The following GRM7 variants were observed in gnomAD, a reference collection of about 807,000 sequenced individuals.
GRM7 encodes metabotropic glutamate receptor 7.
In GRM7, 35 loss-of-function variants were observed where a neutral mutation model predicts 84.5. The ratio of observed to expected loss-of-function variants is 0.41; its 90% confidence interval spans 0.32 to 0.55. The LOEUF (loss-of-function observed/expected upper bound fraction) is 0.55, where lower values mean the gene tolerates loss of function less well. Ranked by LOEUF, GRM7 falls within the 20% of genes least tolerant of loss-of-function variation. The pLI, the probability that GRM7 is intolerant of heterozygous loss-of-function variation, is 0.19. For missense variants in GRM7, 1,003 were observed against 1,194.6 expected, an observed-to-expected ratio of 0.84 and a Z score of 2.36; for synonymous variants, 487 against 455.1, an observed-to-expected ratio of 1.07 and a Z score of -0.89.
At chr3:7,016,458 A>T (rs1266445287) in intron 1 of GRM7, among the ~76,000 whole-genome samples, 1 of 152,158 alleles carries the variant, frequency 6.6e-6, no homozygotes, top group Non-Finnish European at 1.5e-5. Flanking sequence ...AGGAGGGGTG[A>T]GGAAGTCATC....
chr3:7,693,367 C>G (rs1158178008), intron 9 of GRM7, among the ~76,000 whole-genome samples: 1 of 151,750 alleles, frequency 6.6e-6, no homozygotes, highest in Non-Finnish European at 1.5e-5. Context: ...GCTAATTCCC[C>G]CCACCCCCTC....
chr3:6,953,751 T>C (rs934783122), intron 1 of GRM7, among the ~76,000 whole-genome samples: 8 of 152,200 alleles, frequency 5.3e-5, no homozygotes, highest in African/African-American at 2.4e-5. Context: ...ATTTGTGAAG[T>C]AGACCTGCTT....
intron 7 of GRM7, among the ~76,000 whole-genome samples, chr3:7,492,150 G>C (rs1169651567): frequency 1.3e-5 from 2 of 152,104 alleles, no homozygotes; most frequent in African/African-American, 4.8e-5. Flanking sequence ...ACTAATAAGA[G>C]ATATTGGTCT....
intron 7 of GRM7, among the ~76,000 whole-genome samples, chr3:7,566,103 G>GTTTTTTTT (rs58178956): frequency 1.5e-5 from 2 of 129,986 alleles, no homozygotes; most frequent in Non-Finnish European, 1.6e-5. Flanking sequence ...TGAATCAGCT[G>GTTTTTTTT]TTTTTTTTTT....
chr3:7,708,359 A>T (rs978921159), intron 9 of GRM7, among the ~76,000 whole-genome samples: 1 of 152,286 alleles, frequency 6.6e-6, no homozygotes, highest in African/African-American at 2.4e-5. Context: ...GCAAAAAAAA[A>T]AAATCACAAA....
intron 9 of GRM7, among the ~76,000 whole-genome samples, chr3:7,704,532 G>A (rs1415605563): frequency 1.3e-5 from 2 of 152,030 alleles, no homozygotes; most frequent in African/African-American, 4.8e-5. Context: ...ATATTAAAAT[G>A]TCTTTTGATA....
chr3:7,251,235 G>C (rs1162644859), intron 2 of GRM7, among the ~76,000 whole-genome samples: 2 of 151,980 alleles, frequency 1.3e-5, no homozygotes, highest in African/African-American at 4.8e-5. Flanking sequence ...GTCCTTAAAA[G>C]TGTGAATAAC....
intron 5 of GRM7, among the ~76,000 whole-genome samples, chr3:7,418,293 C>T (rs2125185651): frequency 6.6e-6 from 1 of 152,268 alleles, no homozygotes; most frequent in South Asian, 2.1e-4. Context: ...ATAGATCAGG[C>T]ATTCGCAGTG....
intron 7 of GRM7, among the ~76,000 whole-genome samples, chr3:7,564,207 A>G (rs771435882): frequency 6.6e-6 from 1 of 152,208 alleles, no homozygotes; most frequent in Non-Finnish European, 1.5e-5. Flanking sequence ...AGATGACTGT[A>G]TTGTCACTAA....
At chr3:7,287,211 A>G (rs893699406) in intron 2 of GRM7, among the ~76,000 whole-genome samples, 2 of 152,162 alleles carry the variant, frequency 1.3e-5, no homozygotes, top group Non-Finnish European at 2.9e-5. Context: ...AAATCTTTCA[A>G]ACTCTCAGGT....
intron 7 of GRM7, among the ~76,000 whole-genome samples, chr3:7,488,723 CGGATG>C (rs1258075380): frequency 2.6e-5 from 4 of 151,924 alleles, no homozygotes; most frequent in African/African-American, 4.8e-5. Flanking sequence ...TACCCAGCCT[CGGATG>C]TTCTGTTATT....
Position 6,863,114 on chromosome 3 carries a change from G to T in GRM7, c.519+1207G>T. 2 of 355,462 alleles carry T rather than the reference G, an allele frequency of 5.6e-6. No individual in the cohort carries two copies. The highest frequency in any genetic ancestry group is 1.1e-5 in the Non-Finnish European group (2 of 180,506). 22.0% of individuals were successfully genotyped at this position (355,462 alleles called of 1,614,324 possible). A position where few individuals can be genotyped will look rare whatever the true frequency, so the allele number is the denominator to read the frequency against. ...TGCATCACTCTCTCTTTCTGTCTCT[G>T]TCTCCTTGCTGTTTTTTTTTTCTCT... On this transcript the variant is annotated intron_variant, in intron 1 of 9. Transcript: ENST00000357716. This position sits in a 1 kb window ranked among gnomAD's most constrained non-coding sequence, Gnocchi z 4.8.
chr3:7,598,198 T>A (rs1364619036), intron 8 of GRM7, among the ~76,000 whole-genome samples: 2 of 152,168 alleles, frequency 1.3e-5, no homozygotes, highest in African/African-American at 4.8e-5. Flanking sequence ...AAGAGATAAA[T>A]CCCCACATCC....
At chr3:7,419,195 A>T (rs1197059234) in intron 5 of GRM7, among the ~76,000 whole-genome samples, 1 of 152,158 alleles carries the variant, frequency 6.6e-6, no homozygotes, top group Non-Finnish European at 1.5e-5. Context: ...ATATAGGGTG[A>T]TATATTGAGT....
chr3:7,139,146 C>A (rs80263814), intron 1 of GRM7, among the ~76,000 whole-genome samples: 26,844 of 147,406 alleles, frequency 0.18, 3,113 homozygotes, highest in Non-Finnish European at 0.25. Flanking sequence ...CTATATGAAC[C>A]TCTTAAAGGA....
At chr3:7,018,503 C>G (rs1695655384) in intron 1 of GRM7, among the ~76,000 whole-genome samples, 2 of 152,246 alleles carry the variant, frequency 1.3e-5, no homozygotes. Flanking sequence ...ATGGCCCTAA[C>G]TGCCCCATAC....
intron 1 of GRM7, among the ~76,000 whole-genome samples, chr3:7,054,850 A>T (rs1465562964): frequency 1.3e-5 from 2 of 151,366 alleles, no homozygotes; most frequent in East Asian, 3.9e-4. Flanking sequence ...TCAAATTCTG[A>T]CTCTTCTTTA....
chr3:7,722,426 T>C (rs78332235), intron 9 of GRM7, among the ~76,000 whole-genome samples: 1 of 148,824 alleles, frequency 6.7e-6, no homozygotes. Flanking sequence ...GTCATACAGC[T>C]GAATGGTGAC....
chr3:7,125,960 C>T (rs759675088), intron 1 of GRM7, among the ~76,000 whole-genome samples: 48 of 152,328 alleles, frequency 3.2e-4, no homozygotes, highest in Middle Eastern at 3.4e-3. Flanking sequence ...AAATTGACAA[C>T]TGAATTGTCA....
Sources: allele counts gnomAD v4.1 joint callset (sites outside exome capture counted in the v4.1 genomes callset), GRCh38; gene constraint gnomAD v4.1.1; non-coding constraint Gnocchi (gnomAD v3.1); transcripts MANE v1.5; gene names NCBI Gene and HGNC (gene_info 2026-07-23, HGNC 2026-07-21).